ACSL4: variants seen among roughly 807,000 people sequenced by gnomAD.
ACSL4 encodes the protein acyl-CoA synthetase long chain family member 4, also known as long-chain-fatty-acid--CoA ligase 4.
ACSL4 carries 9 observed loss-of-function variants against 49.1 expected under a neutral mutation model. That is an observed-to-expected ratio of 0.18 (90% confidence interval 0.11 to 0.32). ACSL4 has a LOEUF of 0.32. Ranked by LOEUF, ACSL4 falls within the 10% of genes least tolerant of loss-of-function variation. The probability of loss-of-function intolerance (pLI) is 1.00; values close to 1 mark genes in which losing one functional copy is unlikely to be tolerated. For missense variants in ACSL4, 333 were observed against 493.7 expected (o/e 0.67, Z 3.08); for synonymous variants, 191 against 170.3 (o/e 1.12, Z -0.95).
rs1014709241 is a variant in ACSL4, at chrX:109,710,836, A to T, written c.-65-14640T>A. On this transcript the variant is annotated intron_variant, in intron 1 of 15. Coordinates refer to ENST00000672401, the MANE Select transcript of ACSL4 (RefSeq NM_001318510.2). Reference sequence around the variant, plus strand: ...GGGGATCCTCCTGCCTTAGCCTCCTATAACTAGGACTTAGAAACTCACCAC... The same window carrying T: ...GGGGATCCTCCTGCCTTAGCCTCCTTTAACTAGGACTTAGAAACTCACCAC... Among the ~76,000 whole-genome samples the T allele has an allele frequency of 1.3e-4, 15 of 111,485 alleles. No homozygotes were observed. The Admixed American group carries it at 1.4e-3, about 11-fold the overall frequency.
intron 2 of ACSL4, chrX:109,685,458 T>C (rs1055238901): frequency 9.0e-6 from 1 of 111,142 alleles, no homozygotes; most frequent in Non-Finnish European, 1.9e-5. Context: ...CGGTGAGTTG[T>C]AGCATATTTC....
At chrX:109,673,078 G>A (rs1400543610) in intron 9 of ACSL4, among the ~76,000 whole-genome samples, 2 of 111,830 alleles carry the variant, frequency 1.8e-5, no homozygotes, top group Non-Finnish European at 3.8e-5. Context: ...GGCAATTAGA[G>A]GATAAGGAGC....
In ACSL4 at chrX:109,661,075, C is replaced by T. The variant is rs779085568; in HGVS notation, c.1697+456G>A. 8.1e-5 allele frequency among the ~76,000 whole-genome samples: 9 copies of T among 111,265 alleles called. No individual in the cohort carries two copies. In the South Asian group the frequency reaches 3.4e-3, roughly 42 times the overall value. ...GAAATGGTTAAGATGGTAAATCTTA[C>T]GTTATATGCTTTTTACCACAATTAC... On this transcript the variant is annotated intron_variant, in intron 14 of 15. Transcript: ENST00000672401.
At chrX:109,648,568 A>G (rs1294149569) in intron 15 of ACSL4, among the ~76,000 whole-genome samples, 5 of 111,881 alleles carry the variant, frequency 4.5e-5, no homozygotes, top group Non-Finnish European at 9.4e-5. Flanking sequence ...AGCCAACATT[A>G]TACTGAATGG....
intron 1 of ACSL4, among the ~76,000 whole-genome samples, chrX:109,722,644 T>C (rs1284633280): frequency 1.8e-5 from 2 of 111,515 alleles, no homozygotes; most frequent in Non-Finnish European, 3.8e-5. Flanking sequence ...TGACTCAACA[T>C]TAAAGACTTT....
At chrX:109,720,557 A>G (rs1414791013) in intron 1 of ACSL4, among the ~76,000 whole-genome samples, 2 of 111,775 alleles carry the variant, frequency 1.8e-5, no homozygotes, top group Non-Finnish European at 3.8e-5. Context: ...TTGCTTAAAA[A>G]TTTATAACAT....
At chrX:109,719,103 C>CAAAA (rs1376086382) in intron 1 of ACSL4, among the ~76,000 whole-genome samples, 11 of 111,743 alleles carry the variant, frequency 9.8e-5, no homozygotes, top group Admixed American at 1.9e-4. Context: ...AATAAACAAA[C>CAAAA]AAAAAACTGT....
intron 1 of ACSL4, among the ~76,000 whole-genome samples, chrX:109,707,119 T>C (rs763482165): frequency 8.9e-6 from 1 of 112,299 alleles, no homozygotes; most frequent in Non-Finnish European, 1.9e-5. Flanking sequence ...TTTAGAAACA[T>C]AGACCCTTAG....
At chrX:109,689,199 T>C (rs888184379) in intron 2 of ACSL4, among the ~76,000 whole-genome samples, 1 of 111,389 alleles carries the variant, frequency 9.0e-6, no homozygotes, top group Non-Finnish European at 1.9e-5. Context: ...ATCCTAATGG[T>C]TTGACTTACA....
At chrX:109,655,650 C>G (rs919426728) in intron 15 of ACSL4, among the ~76,000 whole-genome samples, 2 of 110,785 alleles carry the variant, frequency 1.8e-5, no homozygotes, top group African/African-American at 6.6e-5. Context: ...GGGCAGAGAT[C>G]TCCATATGGA....
At chrX:109,670,601 C>G (rs1923101648) in intron 9 of ACSL4, among the ~76,000 whole-genome samples, 1 of 104,316 alleles carries the variant, frequency 9.6e-6, no homozygotes, top group Non-Finnish European at 2.0e-5. Context: ...AAAAAAAAAG[C>G]TCTCCCTCTC....
At chrX:109,644,246 G>A in intron 15 of ACSL4, 60 bp from the exon 16 acceptor site, 1 of 1,052,020 alleles carries the variant, frequency 9.5e-7, no homozygotes, top group South Asian at 2.1e-5. Flanking sequence ...CGAGAAAGGA[G>A]TGGGGACGGG....
At chrX:109,677,023 G>A (rs1389535517) in intron 8 of ACSL4, among the ~76,000 whole-genome samples, 4 of 109,311 alleles carry the variant, frequency 3.7e-5, no homozygotes, top group African/African-American at 1.0e-4. Context: ...GCAGTGGCGC[G>A]ATCTTGGCTC....
chrX:109,645,959 G>A (rs1415930337), intron 15 of ACSL4, among the ~76,000 whole-genome samples: 1 of 111,660 alleles, frequency 9.0e-6, no homozygotes, highest in Non-Finnish European at 1.9e-5. Context: ...GAGTGAGAAG[G>A]AAGTTTAGAG....
chrX:109,672,640 TG>T (rs1313815209), intron 9 of ACSL4, among the ~76,000 whole-genome samples: 1 of 110,797 alleles, frequency 9.0e-6, no homozygotes. Context: ...AATAAAGAGT[TG>T]TTTTTTTTTT....
rs758463168 is a variant in ACSL4 at position 109,728,644 on chromosome X, T to C, written c.-66+4495A>G. Among the ~76,000 whole-genome samples, 9 of 112,596 alleles carry C rather than the reference T, an allele frequency of 8.0e-5. No homozygotes were observed. In the East Asian group the frequency reaches 1.9e-3, roughly 24 times the overall value. ...TAAGGCCACTTGTTCACAGAATATA[T>C]TTGAGCTCTAAAATTGTTGAAAGAG... On this transcript the variant is annotated intron_variant, in intron 1 of 15. Coordinates refer to ENST00000672401, the MANE Select transcript of ACSL4 (RefSeq NM_001318510.2).
chrX:109,722,363 T>C (rs970089829), intron 1 of ACSL4, among the ~76,000 whole-genome samples: 1 of 111,836 alleles, frequency 8.9e-6, no homozygotes, highest in Non-Finnish European at 1.9e-5. Flanking sequence ...TAGAAAAAGG[T>C]TATGTTGCCA....
intron 1 of ACSL4, among the ~76,000 whole-genome samples, chrX:109,722,245 T>C (rs916888045): frequency 8.9e-6 from 1 of 112,299 alleles, no homozygotes; most frequent in Non-Finnish European, 1.9e-5. Context: ...CAAATACTTC[T>C]AGATGACAAG....
Position 109,668,167 on chromosome X carries a change from A to G in ACSL4, c.1249T>C (p.Phe417Leu). The G allele has an allele frequency of 1.7e-6, 2 of 1,209,628 alleles. No homozygotes were observed. Among genetic ancestry groups the G allele is most frequent in the Non-Finnish European group, 2.2e-6 (2 of 893,402 alleles). Residue 417 changes from phenylalanine to leucine, a missense_variant, in exon 11 of 16, where the codon TTC becomes CTC. Around this residue, in one of 3 missense-constraint regions of ACSL4, gnomAD observed 175 missense variants for 275.8 expected, o/e 0.63. Coordinates refer to ENST00000672401, the MANE Select transcript of ACSL4 (RefSeq NM_001318510.2). ...PQTHRFMNVCFCCPIGQGYGL... is the reference protein window; with the variant it reads ...PQTHRFMNVCLCCPIGQGYGL... ...TAACCCTGGCCAATTGGGCAGCAGAAGCAGACATTCATGAATCGGTGTGTC... is the reference window on the plus strand; with the variant it reads ...TAACCCTGGCCAATTGGGCAGCAGAGGCAGACATTCATGAATCGGTGTGTC...
Sources: gnomAD v4.1 joint callset for allele counts (sites outside exome capture counted in the v4.1 genomes callset) on GRCh38, gnomAD v4.1.1 for gene constraint, gnomAD v4.1.1 regional missense constraint, MANE v1.5 for transcripts, NCBI Gene and HGNC (gene_info 2026-07-23, HGNC 2026-07-21) for gene names.